THSD7B: variants seen among roughly 807,000 people sequenced by gnomAD.
THSD7B encodes thrombospondin type 1 domain containing 7B, also known as thrombospondin type-1 domain-containing protein 7B.
THSD7B carries 138 observed loss-of-function variants against 213.6 expected under a neutral mutation model. The observed-to-expected ratio is 0.65, with a 90% CI of 0.56 to 0.74. The LOEUF (loss-of-function observed/expected upper bound fraction) is 0.74, where lower values mean the gene tolerates loss of function less well. THSD7B is among the 30% of genes least tolerant of loss of function. The pLI, the probability that THSD7B is intolerant of heterozygous loss-of-function variation, is 0.00. For synonymous variants in THSD7B, 742 were observed against 687.0 expected (o/e 1.08, Z -1.25); for missense variants, 1,931 against 1,991.5 (o/e 0.97, Z 0.58).
At chr2:137,309,914 C>T (rs149554285) in intron 12 of THSD7B, among the ~76,000 whole-genome samples, 8,271 of 151,860 alleles carry the variant, frequency 0.054, 300 homozygotes, top group East Asian at 0.098. Context: ...CATTGTTGGA[C>T]ATTTGGGTTG....
chr2:136,816,849 G>T (rs1186709530), intron 1 of THSD7B, among the ~76,000 whole-genome samples: 5 of 152,180 alleles, frequency 3.3e-5, no homozygotes, highest in Non-Finnish European at 7.3e-5. Flanking sequence ...TTTGCTAGGT[G>T]AATAAGAATC....
intron 15 of THSD7B, among the ~76,000 whole-genome samples, chr2:137,477,853 C>T (rs2105101254): frequency 6.6e-6 from 1 of 151,978 alleles, no homozygotes; most frequent in Admixed American, 6.6e-5. Flanking sequence ...CTTTGCTGGG[C>T]ATAGAATTCT....
At chr2:137,150,472 A>T (rs1340038523) in intron 5 of THSD7B, among the ~76,000 whole-genome samples, 1 of 151,870 alleles carries the variant, frequency 6.6e-6, no homozygotes, top group African/African-American at 2.4e-5. Context: ...TTCTCATGAG[A>T]TCTAATGTTT....
At chr2:136,946,873 TC>T (rs934636790) in intron 2 of THSD7B, among the ~76,000 whole-genome samples, 11 of 152,216 alleles carry the variant, frequency 7.2e-5, no homozygotes, top group African/African-American at 2.7e-4. Context: ...GTCTCATTTT[TC>T]CAGGTACAGT....
intron 19 of THSD7B, 64 bp from the exon 20 acceptor site, chr2:137,620,537 TCCCATGAA>T (rs1682499022): frequency 1.7e-6 from 2 of 1,184,368 alleles, no homozygotes; most frequent in Admixed American, 3.6e-5. Context: ...GGAAAGTCTT[TCCCATGAA>T]AGGACAGTGA....
Position 137,339,955 on chromosome 2 carries a change from G to C in THSD7B, c.2500+63929G>C, listed in dbSNP as rs145818042. Among the ~76,000 whole-genome samples the C allele has an allele frequency of 2.0e-3, 303 of 151,268 alleles. 1 individual carries two copies. The highest frequency in any genetic ancestry group is 6.7e-3 in the African/African-American group (277 of 41,238). ...TGTATGTTTGCAGGCTGCCTCATCTGCTGATATCCCAGTTTTGTCTGGTGC... is the reference window on the plus strand; with the variant it reads ...TGTATGTTTGCAGGCTGCCTCATCTCCTGATATCCCAGTTTTGTCTGGTGC... On this transcript the variant is annotated intron_variant, in intron 12 of 27. Coordinates refer to ENST00000409968, the MANE Select transcript of THSD7B (RefSeq NM_001316349.2).
chr2:137,257,279 G>A (rs1047816087), intron 10 of THSD7B, among the ~76,000 whole-genome samples: 11 of 152,178 alleles, frequency 7.2e-5, no homozygotes, highest in African/African-American at 2.7e-4. Context: ...CCTGGAGTGT[G>A]CTCAATTTTT....
intron 3 of THSD7B, among the ~76,000 whole-genome samples, chr2:137,090,315 T>C (rs1213181504): frequency 6.6e-6 from 1 of 152,092 alleles, no homozygotes; most frequent in African/African-American, 2.4e-5. Context: ...TTTGTAATTT[T>C]TTTATTATGT....
At chr2:137,098,611 G>A (rs916983434) in intron 4 of THSD7B, among the ~76,000 whole-genome samples, 1 of 152,160 alleles carries the variant, frequency 6.6e-6, no homozygotes, top group Non-Finnish European at 1.5e-5. Flanking sequence ...GAAAATCAAA[G>A]AAGTAAATAA....
intron 15 of THSD7B, among the ~76,000 whole-genome samples, chr2:137,464,119 T>C (rs1687939932): frequency 6.6e-6 from 1 of 152,050 alleles, no homozygotes; most frequent in Non-Finnish European, 1.5e-5. Context: ...AACTGTTTTT[T>C]TAACCTTTAG....
At chr2:136,846,544 T>A (rs1683012960) in intron 1 of THSD7B, among the ~76,000 whole-genome samples, 1 of 152,126 alleles carries the variant, frequency 6.6e-6, no homozygotes, top group African/African-American at 2.4e-5. Flanking sequence ...AACATAAGAA[T>A]CGTTTATGGA....
intron 14 of THSD7B, among the ~76,000 whole-genome samples, chr2:137,447,487 T>C (rs1687564470): frequency 6.6e-6 from 1 of 152,214 alleles, no homozygotes; most frequent in Non-Finnish European, 1.5e-5. Context: ...ACTCAGTTTC[T>C]CTATAAAATG....
intron 2 of THSD7B, among the ~76,000 whole-genome samples, chr2:136,897,133 AT>A (rs1433710639): frequency 6.6e-6 from 1 of 152,010 alleles, no homozygotes; most frequent in African/African-American, 2.4e-5. Context: ...TTAAAAAAAA[AT>A]TTGTAGAGAC....
intron 10 of THSD7B, among the ~76,000 whole-genome samples, chr2:137,262,583 C>A (rs969141947): frequency 1.3e-5 from 2 of 152,180 alleles, no homozygotes; most frequent in African/African-American, 2.4e-5. Context: ...CAATTCCAAT[C>A]ATACCCTTTA....
At chr2:137,470,805 A>T (rs1688076866) in intron 15 of THSD7B, among the ~76,000 whole-genome samples, 1 of 152,172 alleles carries the variant, frequency 6.6e-6, no homozygotes, top group Admixed American at 6.5e-5. Context: ...GGCACTCTTC[A>T]GCTGAATCTG....
intron 15 of THSD7B, among the ~76,000 whole-genome samples, chr2:137,526,419 G>GTTGT (rs547085260): frequency 1.3e-4 from 20 of 148,660 alleles, no homozygotes; most frequent in Non-Finnish European, 2.5e-4. Flanking sequence ...TGTTGTTGTT[G>GTTGT]TTGTTTGTTT....
intron 12 of THSD7B, among the ~76,000 whole-genome samples, chr2:137,321,215 G>A (rs549867843): frequency 6.6e-6 from 1 of 152,284 alleles, no homozygotes; most frequent in South Asian, 2.1e-4. Flanking sequence ...ATATGCTGTA[G>A]TTTAGAGTAT....
chr2:137,580,453 G>C (rs950429208), intron 17 of THSD7B, among the ~76,000 whole-genome samples: 2 of 151,822 alleles, frequency 1.3e-5, no homozygotes, highest in African/African-American at 4.8e-5. Flanking sequence ...TTAAAAAATT[G>C]GTTCATAGTC....
At chr2:137,503,473 G>T (rs1345224660) in intron 15 of THSD7B, among the ~76,000 whole-genome samples, 1 of 151,668 alleles carries the variant, frequency 6.6e-6, no homozygotes, top group East Asian at 1.9e-4. Context: ...ACATGAGAAA[G>T]AATTTTGAAA....
Sources: gnomAD v4.1 joint callset for allele counts (sites outside exome capture counted in the v4.1 genomes callset) on GRCh38, gnomAD v4.1.1 for gene constraint, MANE v1.5 for transcripts, NCBI Gene and HGNC (gene_info 2026-07-23, HGNC 2026-07-21) for gene names.